The following GREB1 variants were observed in gnomAD, a reference collection of about 807,000 sequenced individuals.
GREB1 encodes the protein growth regulating estrogen receptor binding 1, also known as protein GREB1.
In GREB1, 106 loss-of-function variants were observed where a neutral mutation model predicts 200.7. That is an observed-to-expected ratio of 0.53 (90% CI 0.45 to 0.62). GREB1 has a LOEUF of 0.62. Ranked by LOEUF, GREB1 falls within the 20% of genes least tolerant of loss-of-function variation. GREB1 has a pLI of 0.00. For synonymous variants in GREB1, 1,132 were observed against 1,092.4 expected, an observed-to-expected ratio of 1.04 and a Z score of -0.72; for missense variants, 2,243 against 2,556.8, an observed-to-expected ratio of 0.88 and a Z score of 2.65.
At chr2:11,584,540 G>A (rs1679870328) in intron 7 of GREB1, among the ~76,000 whole-genome samples, 1 of 152,152 alleles carries the variant, frequency 6.6e-6, no homozygotes, top group Admixed American at 6.5e-5. Context: ...GGAATATGTC[G>A]ATAACAATAA....
chr2:11,535,799 T>G (rs1311440500), intron 1 of GREB1, among the ~76,000 whole-genome samples: 1 of 152,176 alleles, frequency 6.6e-6, no homozygotes, highest in East Asian at 1.9e-4. Context: ...ATTTGTTTTA[T>G]CTTCCCCACT....
At chr2:11,523,918 A>G (rs1279267592) in intron 1 of GREB1, among the ~76,000 whole-genome samples, 1 of 152,210 alleles carries the variant, frequency 6.6e-6, no homozygotes, top group Admixed American at 6.5e-5. Context: ...TTCTAAGCAG[A>G]TGGTACCCAT....
intron 7 of GREB1, chr2:11,581,363 C>A (rs1679459225): frequency 8.3e-6 from 2 of 242,304 alleles, no homozygotes; most frequent in Non-Finnish European, 7.9e-6. Flanking sequence ...CGGCTGTTCT[C>A]ATCCAAATCA....
intron 30 of GREB1, 129 bp from the exon 31 acceptor site, chr2:11,637,587 A>T: frequency 1.5e-6 from 1 of 678,612 alleles, no homozygotes; most frequent in Non-Finnish European, 2.5e-6. Flanking sequence ...TTCTTGAAGT[A>T]TGTGTTCTCA....
chr2:11,538,909 T>TCCTC (rs1399653818), intron 1 of GREB1, among the ~76,000 whole-genome samples: 3 of 20,942 alleles, frequency 1.4e-4, no homozygotes, highest in African/African-American at 1.6e-4. Flanking sequence ...CTTCCTTCCT[T>TCCTC]CCCCCTCCCC....
chr2:11,637,433 C>T (rs1437492214), intron 30 of GREB1, among the ~76,000 whole-genome samples: 1 of 152,132 alleles, frequency 6.6e-6, no homozygotes. Flanking sequence ...CATGGGTTCT[C>T]TTGTTTTCTC....
chr2:11,607,473 C>T (rs569043693), intron 17 of GREB1, among the ~76,000 whole-genome samples: 28 of 145,448 alleles, frequency 1.9e-4, no homozygotes, highest in African/African-American at 6.7e-4. Flanking sequence ...TATATATATA[C>T]ACACACATAC....
At chr2:11,569,447 C>A (rs1678037240) in intron 4 of GREB1, among the ~76,000 whole-genome samples, 1 of 152,106 alleles carries the variant, frequency 6.6e-6, no homozygotes, top group Non-Finnish European at 1.5e-5. Context: ...CGGTAAGGTG[C>A]TCCGGCAATC....
At position 11,640,145 on chromosome 2, in the gene GREB1, G is replaced by C. The variant is rs1261208755; in HGVS notation, c.5687-146G>C. 1.3e-5 allele frequency: 9 copies of C among 686,906 alleles called. No individual in the cohort carries two copies. The highest frequency in any genetic ancestry group is 1.9e-5 in the Non-Finnish European group (8 of 416,252). 42.6% of individuals were successfully genotyped at this position (686,906 alleles called of 1,614,324 possible). On this transcript the variant is annotated intron_variant, in intron 32 of 32. Coordinates refer to ENST00000381486, the MANE Select transcript of GREB1 (RefSeq NM_014668.4). The surrounding 1 kb of genome is among the most constrained non-coding windows in gnomAD (Gnocchi z 4.6). ...TCTCGCTAAGATTGTACATCATCCCGAAAGAAGCAAGGGGCCGACTTGGAT... is the reference window on the plus strand; with the variant it reads ...TCTCGCTAAGATTGTACATCATCCCCAAAGAAGCAAGGGGCCGACTTGGAT...
At chr2:11,619,744 C>A (rs1683844176) in intron 22 of GREB1, among the ~76,000 whole-genome samples, 1 of 152,074 alleles carries the variant, frequency 6.6e-6, no homozygotes. Context: ...TTCCTTTAGG[C>A]CATTTGACTT....
intron 9 of GREB1, 165 bp from the exon 10 acceptor site, chr2:11,588,581 T>G (rs1435523886): frequency 1.4e-6 from 1 of 706,998 alleles, no homozygotes; most frequent in Non-Finnish European, 2.6e-6. Context: ...TCCAGGAGGG[T>G]GAGCAGGTGC....
In GREB1 at chr2:11,596,023, G is replaced by A. The variant is rs1044284392; in HGVS notation, c.1826-88G>A. 2.3e-5 allele frequency: 31 copies of A among 1,321,342 alleles called. No individual in the cohort carries two copies. In the Admixed American group the frequency reaches 2.7e-4, roughly 12 times the overall value. The allele number at this position is 1,321,342 out of a possible 1,614,324, so 81.9% of individuals were successfully genotyped here. On this transcript the variant is annotated intron_variant, in intron 12 of 32. Transcript: ENST00000381486. ...CTTTACCTTCATGACTCCAGGCCTC[G>A]GGACAGTACCTGACACTAACTGCGC...
intron 1 of GREB1, among the ~76,000 whole-genome samples, chr2:11,502,137 G>A (rs894701746): frequency 6.7e-5 from 10 of 150,276 alleles, no homozygotes; most frequent in East Asian, 1.9e-4. Context: ...GGCTGGTCTC[G>A]AACTCTTGAC....
Position 11,619,360 on chromosome 2 carries a change from C to A in GREB1, c.4044+441C>A, listed in dbSNP as rs546160132. Among the ~76,000 whole-genome samples the A allele has an allele frequency of 2.6e-4, 39 of 152,290 alleles. 1 individual carries two copies. In the South Asian group the frequency reaches 5.8e-3, roughly 23 times the overall value. ...TCCTTAACAACAAAAGTCCATTTCA[C>A]CTCTCAATGGCAGAATCTCCTGTGC... On this transcript the variant is annotated intron_variant, in intron 22 of 32. Coordinates refer to ENST00000381486, the MANE Select transcript of GREB1 (RefSeq NM_014668.4).
chr2:11,569,781 GGGCAT>G (rs1162805846), intron 4 of GREB1, among the ~76,000 whole-genome samples: 1 of 152,182 alleles, frequency 6.6e-6, no homozygotes, highest in Admixed American at 6.5e-5. Flanking sequence ...GGAGGATGAA[GGGCAT>G]CTCAGCAGAG....
At chr2:11,596,651 G>T (rs1681264507) in intron 13 of GREB1, among the ~76,000 whole-genome samples, 1 of 116,918 alleles carries the variant, frequency 8.6e-6, no homozygotes, top group East Asian at 2.9e-4. Flanking sequence ...GGTGTATACA[G>T]TGAGAGTAGG....
intron 23 of GREB1, among the ~76,000 whole-genome samples, chr2:11,622,807 G>C (rs963520187): frequency 2.0e-5 from 3 of 152,236 alleles, no homozygotes; most frequent in African/African-American, 7.2e-5. Flanking sequence ...GAAGCACAGG[G>C]CTGAGGTCCT....
At chr2:11,570,803 TA>T (rs1430579082) in intron 4 of GREB1, among the ~76,000 whole-genome samples, 3 of 152,190 alleles carry the variant, frequency 2.0e-5, no homozygotes, top group Non-Finnish European at 4.4e-5. Context: ...GTTATGAACT[TA>T]TTGCAGGATT....
At chr2:11,581,213 C>T (rs1157913469) in intron 7 of GREB1, 3 of 565,118 alleles carry the variant, frequency 5.3e-6, no homozygotes, top group Non-Finnish European at 9.4e-6. Flanking sequence ...ACCGCTGTCT[C>T]TTGTTAGTCA....
Sources: allele counts gnomAD v4.1 joint callset (sites outside exome capture counted in the v4.1 genomes callset), GRCh38; gene constraint gnomAD v4.1.1; non-coding constraint Gnocchi (gnomAD v3.1); transcripts MANE v1.5; gene names NCBI Gene and HGNC (gene_info 2026-07-23, HGNC 2026-07-21).